The following SKAP2 variants were observed in gnomAD, a reference collection of about 807,000 sequenced individuals.
The protein encoded by SKAP2 is src kinase-associated phosphoprotein 2.
A neutral mutation model predicts 54.9 loss-of-function variants in SKAP2; 28 were observed. The observed-to-expected ratio is 0.51, with a 90% CI of 0.38 to 0.70. SKAP2 has a LOEUF of 0.70. Among genes scored for constraint, SKAP2 ranks in the 30% least tolerant of loss-of-function variants. The pLI, the probability that SKAP2 is intolerant of heterozygous loss-of-function variation, is 0.00. For synonymous variants in SKAP2, 137 were observed against 134.3 expected, an observed-to-expected ratio of 1.02 and a Z score of -0.14; for missense variants, 356 against 424.1, an observed-to-expected ratio of 0.84 and a Z score of 1.41.
chr7:26,684,706 T>C, intron 11 of SKAP2, 30 bp downstream of exon 11: 2 of 1,424,258 alleles, frequency 1.4e-6, no homozygotes, highest in Non-Finnish European at 2.0e-6. Context: ...ATTCCCTCTT[T>C]ACAAACGTCA....
chr7:26,743,624 A>G (rs964868735), intron 4 of SKAP2, among the ~76,000 whole-genome samples: 1 of 152,206 alleles, frequency 6.6e-6, no homozygotes, highest in African/African-American at 2.4e-5. Context: ...TAAGGTATAT[A>G]CTGAGAAAGA....
rs775760577 is a variant in SKAP2 at position 26,725,457 on chromosome 7, A to G, written c.767T>C (p.Ile256Thr). 8.1e-6 allele frequency: 13 copies of G among 1,611,330 alleles called. No individual in the cohort carries two copies. The highest frequency in any genetic ancestry group is 9.3e-6 in the Non-Finnish European group (11 of 1,179,138). Residue 256 changes from isoleucine (I) to threonine (T), a missense_variant, in exon 9 of 13, where the codon ATA becomes ACA. By Grantham distance (89) the Ile-to-Thr change is moderately conservative. Coordinates refer to ENST00000345317, the MANE Select transcript of SKAP2 (RefSeq NM_003930.5). The stretch of plus-strand genomic sequence containing the variant: ...AAGTTCTTCATAAATTTCATCATCT[A>G]TTGGTTGACTGCTTGTTAGTGGATT... ...ISNPLTSSQP[I>T]DDEIYEELPE...
intron 4 of SKAP2, among the ~76,000 whole-genome samples, chr7:26,804,578 A>C (rs138606859): frequency 0.015 from 2,342 of 152,122 alleles, 57 homozygotes; most frequent in African/African-American, 0.053. Flanking sequence ...GTCTCTATTA[A>C]AATTACAAAA....
At chr7:26,732,428 G>A (rs1041026011) in intron 6 of SKAP2, among the ~76,000 whole-genome samples, 5 of 152,142 alleles carry the variant, frequency 3.3e-5, no homozygotes, top group African/African-American at 1.2e-4. Context: ...GCAATTCTGA[G>A]AGCTGATATT....
chr7:26,692,510 T>C (rs1381146449), intron 9 of SKAP2, among the ~76,000 whole-genome samples: 2 of 152,112 alleles, frequency 1.3e-5, no homozygotes, highest in African/African-American at 2.4e-5. Context: ...ACACGACAAA[T>C]AGAACTGTTC....
chr7:26,738,480 C>G (rs1192266129), intron 6 of SKAP2, among the ~76,000 whole-genome samples: 1 of 152,090 alleles, frequency 6.6e-6, no homozygotes, highest in Non-Finnish European at 1.5e-5. Context: ...ACCCTATGTT[C>G]TTAACTTTTC....
chr7:26,706,150 AATC>A (rs1787150927), intron 9 of SKAP2, among the ~76,000 whole-genome samples: 1 of 152,190 alleles, frequency 6.6e-6, no homozygotes, highest in African/African-American at 2.4e-5. Flanking sequence ...CATTCATTAT[AATC>A]ATACTATTTA....
chr7:26,851,020 A>G (rs1023110084), intron 3 of SKAP2, among the ~76,000 whole-genome samples: 2 of 152,170 alleles, frequency 1.3e-5, no homozygotes, highest in Non-Finnish European at 2.9e-5. Flanking sequence ...AGTTTCTACC[A>G]GTGTAAACTA....
intron 9 of SKAP2, among the ~76,000 whole-genome samples, chr7:26,708,940 T>G (rs1021360376): frequency 2.0e-5 from 3 of 152,194 alleles, no homozygotes; most frequent in African/African-American, 7.2e-5. Flanking sequence ...CTTTTCTCAT[T>G]TCATGTTTCA....
intron 11 of SKAP2, among the ~76,000 whole-genome samples, chr7:26,683,671 C>G (rs1308774857): frequency 6.6e-6 from 1 of 152,174 alleles, no homozygotes; most frequent in Non-Finnish European, 1.5e-5. Flanking sequence ...GTTCCTTTAT[C>G]TATAAAACCA....
chr7:26,859,252 T>C (rs1211335822), intron 1 of SKAP2, among the ~76,000 whole-genome samples: 1 of 149,488 alleles, frequency 6.7e-6, no homozygotes, highest in Non-Finnish European at 1.5e-5. Context: ...TACCCTAGAA[T>C]GTAAGCTACC....
At chr7:26,747,338 A>G (rs998383593) in intron 4 of SKAP2, among the ~76,000 whole-genome samples, 1 of 152,174 alleles carries the variant, frequency 6.6e-6, no homozygotes, top group African/African-American at 2.4e-5. Context: ...GTAGAACCAT[A>G]GAATTCTCAG....
chr7:26,731,143 T>C (rs1427313960), intron 6 of SKAP2, among the ~76,000 whole-genome samples: 2 of 152,202 alleles, frequency 1.3e-5, no homozygotes, highest in African/African-American at 4.8e-5. Context: ...TCTCAAAGTA[T>C]ATTTTAAGAA....
chr7:26,721,237 G>C (rs1474653711), intron 9 of SKAP2, among the ~76,000 whole-genome samples: 2 of 152,090 alleles, frequency 1.3e-5, no homozygotes, highest in East Asian at 1.9e-4. Flanking sequence ...TTAGTAATAT[G>C]AGTGATAATT....
intron 4 of SKAP2, among the ~76,000 whole-genome samples, chr7:26,828,330 C>A (rs1426341913): frequency 6.6e-6 from 1 of 152,080 alleles, no homozygotes; most frequent in East Asian, 1.9e-4. Flanking sequence ...AATAAGAATT[C>A]TTTTTAACGA....
chr7:26,862,493 T>C (rs1785290264), intron 1 of SKAP2, among the ~76,000 whole-genome samples: 1 of 152,054 alleles, frequency 6.6e-6, no homozygotes, highest in Non-Finnish European at 1.5e-5. Context: ...TAATATGTGA[T>C]TTGCTTTAAT....
intron 6 of SKAP2, among the ~76,000 whole-genome samples, chr7:26,729,136 CA>C (rs1329021488): frequency 6.6e-6 from 1 of 152,116 alleles, no homozygotes; most frequent in Non-Finnish European, 1.5e-5. Context: ...CTCAGACTAG[CA>C]GATTCATTTT....
intron 4 of SKAP2, among the ~76,000 whole-genome samples, chr7:26,821,162 T>C (rs928823256): frequency 1.3e-5 from 2 of 152,144 alleles, no homozygotes; most frequent in African/African-American, 2.4e-5. Flanking sequence ...ATACTAAAAG[T>C]ACATCTGATC....
rs555679784 is a variant in SKAP2, at chr7:26,675,256, C to G, written c.988-5064G>C. 2.0e-5 allele frequency among the ~76,000 whole-genome samples: 3 copies of G among 152,274 alleles called. No homozygotes were observed. In the South Asian group the frequency reaches 6.2e-4, roughly 32 times the overall value. On this transcript the variant is annotated intron_variant, in intron 11 of 12. Coordinates refer to ENST00000345317, the MANE Select transcript of SKAP2 (RefSeq NM_003930.5). ...CTGGCAACCTTTTCCTGTCACTGTT[C>G]TAGCTGGCACAATACAACCTGCCGC...
Sources: allele counts gnomAD v4.1 joint callset (sites outside exome capture counted in the v4.1 genomes callset), GRCh38; gene constraint gnomAD v4.1.1; transcripts MANE v1.5; gene names NCBI Gene and HGNC (gene_info 2026-07-23, HGNC 2026-07-21).